The following ADGRV1 variants were observed in gnomAD, a reference collection of about 807,000 sequenced individuals.
The protein encoded by ADGRV1 is adhesion G protein-coupled receptor V1, also known as G-protein coupled receptor 98.
Under a neutral mutation model 596.2 loss-of-function variants are expected in ADGRV1, and 359 were observed. That is an observed-to-expected ratio of 0.60 (90% CI 0.55 to 0.66). The LOEUF (loss-of-function observed/expected upper bound fraction) is 0.66. ADGRV1 is among the 30% of genes least tolerant of loss of function. The pLI is 0.00. For missense variants in ADGRV1, 7,274 were observed against 7,575.6 expected (o/e 0.96, Z 1.48); for synonymous variants, 2,681 against 2,679.2 (o/e 1.00, Z -0.02).
rs191815005 is a variant in ADGRV1 at position 90,619,211 on chromosome 5, T to C, written c.453+30T>C. 6.1e-5 allele frequency: 61 copies of C among 995,662 alleles called. No homozygotes were observed. In the East Asian group the frequency reaches 1.5e-3, roughly 24 times the overall value. The allele number at this position is 995,662 out of a possible 1,614,324, so 61.7% of individuals were successfully genotyped here. On this transcript the variant is annotated intron_variant, in intron 4 of 89. Transcript: ENST00000405460. ...GGACACAATTTGATGATAATTGTGGTTGCTAGATAATAGTTTATTAAATTT... is the reference window on the plus strand; with the variant it reads ...GGACACAATTTGATGATAATTGTGGCTGCTAGATAATAGTTTATTAAATTT...
intron 87 of ADGRV1, among the ~76,000 whole-genome samples, chr5:91,110,489 A>G (rs1792273372): frequency 6.6e-6 from 1 of 151,916 alleles, no homozygotes; most frequent in African/African-American, 2.4e-5. Flanking sequence ...TTTGCATATC[A>G]CTCCTAGCTC....
chr5:90,728,537 T>C, intron 48 of ADGRV1, 132 bp from the exon 49 acceptor site: 1 of 788,678 alleles, frequency 1.3e-6, no homozygotes. Flanking sequence ...GTTTTAGTAT[T>C]TTCTTATTTA....
At chr5:90,816,653 C>CATGTGG (rs1373956898) in intron 75 of ADGRV1, among the ~76,000 whole-genome samples, 5 of 149,586 alleles carry the variant, frequency 3.3e-5, no homozygotes, top group African/African-American at 1.2e-4. Flanking sequence ...TGAATGAGAA[C>CATGTGG]ATGTGGTGTT....
At position 90,629,399 on chromosome 5, in the gene ADGRV1, C is replaced by G. The variant is rs374372793; in HGVS notation, c.1699C>G (p.Pro567Ala). 1 of 1,613,268 alleles carries G rather than the reference C, an allele frequency of 6.2e-7. No individual in the cohort carries two copies. Among genetic ancestry groups the G allele is most frequent in the African/African-American group, 1.3e-5 (1 of 74,748 alleles). ...TTACATTCCTGCTGGAGCTGTGGACCCCTTGCAAGCAAAAGAAGGCATCTT... is the reference window on the plus strand; with the variant it reads ...TTACATTCCTGCTGGAGCTGTGGACGCCTTGCAAGCAAAAGAAGGCATCTT... The part of the protein sequence containing the change: ...VLYIPAGAVD[P>A]LQAKEGILNI... Residue 567 changes from proline (P) to alanine (A), a missense_variant, in exon 9 of 90, where the codon CCC becomes GCC. Pro to Ala is a conservative substitution (Grantham distance 27, BLOSUM62 -1). Around this residue, in one of 5 missense-constraint regions of ADGRV1, gnomAD observed 1,715 missense variants for 1,708.8 expected, o/e 1.00. Transcript: ENST00000405460.
chr5:91,035,879 A>ATATC (rs1562122128), intron 85 of ADGRV1, among the ~76,000 whole-genome samples: 19 of 136,784 alleles, frequency 1.4e-4, no homozygotes, highest in Non-Finnish European at 3.1e-5. Context: ...ATATATATAT[A>ATATC]TATCTTACAA....
intron 1 of ADGRV1, among the ~76,000 whole-genome samples, chr5:90,577,778 C>T (rs1005289098): frequency 1.3e-5 from 2 of 152,058 alleles, no homozygotes; most frequent in Admixed American, 6.6e-5. Context: ...TAGTTTGTGT[C>T]CTCTTTTATT....
At chr5:91,058,120 C>G (rs140044741) in intron 85 of ADGRV1, among the ~76,000 whole-genome samples, 1 of 152,144 alleles carries the variant, frequency 6.6e-6, no homozygotes, top group African/African-American at 2.4e-5. Context: ...GTCTGACTTA[C>G]GCTGAGAAGC....
At chr5:90,699,612 A>G (rs982143652) in intron 34 of ADGRV1, among the ~76,000 whole-genome samples, 2 of 152,140 alleles carry the variant, frequency 1.3e-5, no homozygotes, top group African/African-American at 2.4e-5. Flanking sequence ...CAATTTAATG[A>G]ATTTTAACTG....
Position 91,072,520 on chromosome 5 carries a change from T to G in ADGRV1, c.18226T>G (p.Phe6076Val), listed in dbSNP as rs763997813. Residue 6076 changes from phenylalanine (F) to valine (V), a missense_variant, in exon 86 of 90, where the codon TTC (phenylalanine) becomes GTC (valine). This residue lies in a region of ADGRV1 where 1,874 missense variants were observed against 1,970.2 expected (regional missense o/e 0.95). Coordinates refer to ENST00000405460, the MANE Select transcript of ADGRV1 (RefSeq NM_032119.4). ...LVPLTCLVVV[F>V]VVFIHAYQVK... ...TCCTTTGACGTGCCTCGTGGTGGTGTTCGTGGTGTTCATCCATGCCTACCA... is the reference window on the plus strand; with the variant it reads ...TCCTTTGACGTGCCTCGTGGTGGTGGTCGTGGTGTTCATCCATGCCTACCA... 1.9e-6 allele frequency: 3 copies of G among 1,613,814 alleles called. No individual in the cohort carries two copies. Among genetic ancestry groups the G allele is most frequent in the Non-Finnish European group, 2.5e-6 (3 of 1,179,730 alleles).
chr5:90,866,026 G>A (rs938881966), intron 83 of ADGRV1, among the ~76,000 whole-genome samples: 1 of 152,134 alleles, frequency 6.6e-6, no homozygotes, highest in Admixed American at 6.6e-5. Flanking sequence ...CTTTAGCTAA[G>A]AGGGAAAATT....
chr5:90,560,201 T>C (rs774425465), intron 1 of ADGRV1, among the ~76,000 whole-genome samples: 1 of 152,172 alleles, frequency 6.6e-6, no homozygotes, highest in Non-Finnish European at 1.5e-5. Flanking sequence ...GACTAGGTGA[T>C]TGCAAAGGTT....
At chr5:90,569,370 TA>T (rs1756105149) in intron 1 of ADGRV1, among the ~76,000 whole-genome samples, 3 of 24,926 alleles carry the variant, frequency 1.2e-4, no homozygotes, top group African/African-American at 2.0e-4. Flanking sequence ...TATATATATA[TA>T]TATATATATA....
chr5:90,884,109 G>A lies in ADGRV1; in HGVS notation c.17856+20252G>A, dbSNP rs563730928. Among the ~76,000 whole-genome samples, 23 of 152,242 alleles carry A rather than the reference G, an allele frequency of 1.5e-4. No individual in the cohort carries two copies. The East Asian group carries it at 4.4e-3, about 29-fold the overall frequency. On this transcript the variant is annotated intron_variant, in intron 83 of 89. Coordinates refer to ENST00000405460, the MANE Select transcript of ADGRV1 (RefSeq NM_032119.4). ...ATAAAGGATTTATGGCCTTAGACTAGGATTTCTCAACTCAGACACTGTTGA... is the reference window on the plus strand; with the variant it reads ...ATAAAGGATTTATGGCCTTAGACTAAGATTTCTCAACTCAGACACTGTTGA...
At chr5:90,965,352 CTTTCT>C (rs1416209775) in intron 83 of ADGRV1, 58 bp from the exon 84 acceptor site, 1 of 1,063,404 alleles carries the variant, frequency 9.4e-7, no homozygotes, top group African/African-American at 1.6e-5. Context: ...AAGCAGTTTA[CTTTCT>C]TAATATTCTT....
At chr5:91,118,571 G>A (rs925846129) in intron 87 of ADGRV1, among the ~76,000 whole-genome samples, 3 of 152,068 alleles carry the variant, frequency 2.0e-5, no homozygotes, top group Admixed American at 1.3e-4. Flanking sequence ...TGAGCTCAGA[G>A]CAGCATGAAA....
At chr5:90,635,377 G>T in intron 10 of ADGRV1, 87 bp downstream of exon 10, 1 of 1,202,602 alleles carries the variant, frequency 8.3e-7, no homozygotes, top group Non-Finnish European at 1.1e-6. Flanking sequence ...AGCATATAGG[G>T]TTAACATCTT....
At position 90,872,800 on chromosome 5, in the gene ADGRV1, G is replaced by A. The variant is rs151264324; in HGVS notation, c.17856+8943G>A. 2.3e-3 allele frequency among the ~76,000 whole-genome samples: 347 copies of A among 152,156 alleles called. 3 individuals are homozygous for A. The highest frequency in any genetic ancestry group is 4.3e-4 in the Non-Finnish European group (29 of 67,976). ...TTACAGAGGAGCCCTCAGAGACCCC[G>A]GTAGTGCTTCTTCCCTCCACTTCCT... is the stretch of plus-strand genomic sequence containing the variant. On this transcript the variant is annotated intron_variant, in intron 83 of 89. Transcript: ENST00000405460.
chr5:90,646,311 G>A (rs1170585567), intron 16 of ADGRV1, among the ~76,000 whole-genome samples: 2 of 151,572 alleles, frequency 1.3e-5, no homozygotes, highest in East Asian at 1.9e-4. Context: ...TTAATTGTTC[G>A]AAGTTTTGAC....
At position 91,146,517 on chromosome 5, in the gene ADGRV1, G is replaced by A. The variant is rs140987254; in HGVS notation, c.18433-3513G>A. ...TTATGTAACATTTACTGTGAGGCAA[G>A]GCATGCCAAATATTAAGCAATCTAC... On this transcript the variant is annotated intron_variant, in intron 87 of 89. Transcript: ENST00000405460. 2.1e-3 allele frequency among the ~76,000 whole-genome samples: 326 copies of A among 152,314 alleles called. 3 individuals carry two copies. Among genetic ancestry groups the A allele is most frequent in the African/African-American group, 7.1e-3 (296 of 41,564 alleles).
Sources: allele counts gnomAD v4.1 joint callset (sites outside exome capture counted in the v4.1 genomes callset), GRCh38; gene constraint gnomAD v4.1.1; regional missense constraint gnomAD v4.1.1; transcripts MANE v1.5; gene names NCBI Gene and HGNC (gene_info 2026-07-23, HGNC 2026-07-21).